CMTM8: variants seen among roughly 807,000 people sequenced by gnomAD.
The protein encoded by CMTM8 is CKLF-like MARVEL transmembrane domain-containing protein 8.
A neutral mutation model predicts 18.6 loss-of-function variants in CMTM8; 12 were observed. The observed-to-expected ratio is 0.65, with a 90% CI of 0.41 to 1.05. The LOEUF is 1.05. Among genes scored for constraint, CMTM8 ranks in the 50% least tolerant of loss-of-function variants. The probability of loss-of-function intolerance (pLI) is 0.00; values close to 1 mark genes in which losing one functional copy is unlikely to be tolerated. For synonymous variants in CMTM8, 87 were observed against 90.6 expected, an observed-to-expected ratio of 0.96 and a Z score of 0.23; for missense variants, 217 against 227.2, an observed-to-expected ratio of 0.95 and a Z score of 0.29.
At chr3:32,280,935 G>A (rs77963246) in intron 1 of CMTM8, among the ~76,000 whole-genome samples, 2 of 150,936 alleles carry the variant, frequency 1.3e-5, no homozygotes, top group Non-Finnish European at 2.9e-5. Context: ...GGGTGAGAGA[G>A]ATTATCGTGA....
chr3:32,282,389 A>G (rs935510490), intron 1 of CMTM8, among the ~76,000 whole-genome samples: 5 of 152,206 alleles, frequency 3.3e-5, no homozygotes, highest in African/African-American at 1.2e-4. Context: ...TAATTATGAG[A>G]TGATCAGGGT....
chr3:32,307,530 A>G (rs1695738755), intron 1 of CMTM8, among the ~76,000 whole-genome samples: 2 of 152,142 alleles, frequency 1.3e-5, no homozygotes, highest in Admixed American at 1.3e-4. Flanking sequence ...TTTGGGCAGC[A>G]TTCAGTATAG....
intron 1 of CMTM8, among the ~76,000 whole-genome samples, chr3:32,356,603 C>G (rs1369227170): frequency 6.6e-6 from 1 of 152,180 alleles, no homozygotes; most frequent in East Asian, 1.9e-4. Flanking sequence ...TGGACTGGGC[C>G]GCTGTTCATT....
intron 1 of CMTM8, chr3:32,259,501 C>G (rs530850141): frequency 3.6e-5 from 28 of 779,132 alleles, no homozygotes; most frequent in Non-Finnish European, 4.9e-5. Context: ...TCTTCAAGGT[C>G]ATTGATGACA....
chr3:32,340,825 C>G (rs1236107448), intron 1 of CMTM8, among the ~76,000 whole-genome samples: 4 of 152,262 alleles, frequency 2.6e-5, no homozygotes, highest in Non-Finnish European at 5.9e-5. Flanking sequence ...TTGTCTCTTG[C>G]ACTAGATGGC....
intron 2 of CMTM8, among the ~76,000 whole-genome samples, chr3:32,361,286 G>GTTTTTTTTTTTGTTTTTTGTT (rs58364646): frequency 1.1e-5 from 1 of 87,230 alleles, no homozygotes; most frequent in Admixed American, 1.2e-4. Flanking sequence ...CAGCCTAAGA[G>GTTTTTTTTTTTGTTTTTTGTT]TTTTTTTTTC....
intron 1 of CMTM8, among the ~76,000 whole-genome samples, chr3:32,355,502 C>T (rs1696800193): frequency 6.6e-6 from 1 of 152,180 alleles, no homozygotes; most frequent in African/African-American, 2.4e-5. Context: ...TTCACTGCCA[C>T]CATATTGGTC....
chr3:32,323,217 A>G (rs778356484), intron 1 of CMTM8, among the ~76,000 whole-genome samples: 2 of 152,144 alleles, frequency 1.3e-5, no homozygotes, highest in Non-Finnish European at 1.5e-5. Flanking sequence ...ACAGCTGGAC[A>G]ACTATTGAGG....
intron 1 of CMTM8, among the ~76,000 whole-genome samples, chr3:32,318,037 A>G (rs964465834): frequency 2.0e-5 from 3 of 148,222 alleles, no homozygotes; most frequent in African/African-American, 5.0e-5. Flanking sequence ...CCTGGGCAAC[A>G]AGAACGAAAC....
rs143948066 is a variant in CMTM8 at position 32,259,546 on chromosome 3, C to T, written c.147+20427C>T. The T allele has an allele frequency of 1.4e-3, 1,142 of 807,268 alleles. 3 individuals carry two copies. Among genetic ancestry groups the T allele is most frequent in the Middle Eastern group, 2.0e-3 (6 of 2,954 alleles). 50.0% of individuals were successfully genotyped at this position (807,268 alleles called of 1,614,324 possible). A position where few individuals can be genotyped will look rare whatever the true frequency, so the allele number is the denominator to read the frequency against. On this transcript the variant is annotated intron_variant, in intron 1 of 3. Transcript: ENST00000307526. ...CTCGGCTGCAGCTGGAGACAGAGAT[C>T]GAGGCTCTCAAGAAGGAACTGCTCT...
chr3:32,327,593 C>A (rs1267558775), intron 1 of CMTM8, among the ~76,000 whole-genome samples: 1 of 152,202 alleles, frequency 6.6e-6, no homozygotes, highest in Non-Finnish European at 1.5e-5. Flanking sequence ...ATACCAGATT[C>A]AGCATATAGG....
intron 1 of CMTM8, among the ~76,000 whole-genome samples, chr3:32,285,376 G>A (rs1404375104): frequency 6.6e-6 from 1 of 151,986 alleles, no homozygotes; most frequent in African/African-American, 2.4e-5. Context: ...TCAACTGGGC[G>A]TGTTGGCACA....
intron 1 of CMTM8, among the ~76,000 whole-genome samples, chr3:32,324,289 C>G (rs1311462283): frequency 6.6e-6 from 1 of 152,090 alleles, no homozygotes; most frequent in African/African-American, 2.4e-5. Flanking sequence ...TTTTTCCAGT[C>G]TGGTAGCTGA....
rs550318123 is a variant in CMTM8 at position 32,266,500 on chromosome 3, C to T, written c.147+27381C>T. 4.6e-5 allele frequency among the ~76,000 whole-genome samples: 7 copies of T among 152,326 alleles called. No homozygotes were observed. The South Asian group carries it at 1.2e-3, about 27-fold the overall frequency. On this transcript the variant is annotated intron_variant, in intron 1 of 3. Coordinates refer to ENST00000307526, the MANE Select transcript of CMTM8 (RefSeq NM_178868.5). ...ATGACAAACCCCAGCCAATATCATA[C>T]TGCATGGGCAAAAACTGGAAGCATT...
intron 1 of CMTM8, among the ~76,000 whole-genome samples, chr3:32,323,644 A>C (rs1696102235): frequency 1.3e-5 from 2 of 152,142 alleles, no homozygotes; most frequent in Admixed American, 6.5e-5. Flanking sequence ...TCAGGTTCAC[A>C]CAGAAGATGT....
intron 1 of CMTM8, among the ~76,000 whole-genome samples, chr3:32,345,134 A>C (rs1415423489): frequency 6.6e-6 from 1 of 152,158 alleles, no homozygotes; most frequent in African/African-American, 2.4e-5. Flanking sequence ...ACTTGAGCCT[A>C]AGAGTTCAAG....
At chr3:32,360,623 C>G (rs1448187067) in intron 2 of CMTM8, among the ~76,000 whole-genome samples, 1 of 152,226 alleles carries the variant, frequency 6.6e-6, no homozygotes, top group Non-Finnish European at 1.5e-5. Context: ...GCCAGCCCAA[C>G]TGTCGTGTCC....
At chr3:32,279,860 T>C (rs11720049) in intron 1 of CMTM8, among the ~76,000 whole-genome samples, 63,586 of 138,088 alleles carry the variant, frequency 0.46, 14,583 homozygotes, top group Middle Eastern at 0.55. Flanking sequence ...GACTTTTTAA[T>C]GATTGCCATT....
intron 1 of CMTM8, among the ~76,000 whole-genome samples, chr3:32,250,568 G>A (rs1327611013): frequency 6.6e-6 from 1 of 152,028 alleles, no homozygotes; most frequent in Non-Finnish European, 1.5e-5. Context: ...TTTCAACAAT[G>A]TTTTGTAGTT....
Sources: gnomAD v4.1 joint callset for allele counts (sites outside exome capture counted in the v4.1 genomes callset) on GRCh38, gnomAD v4.1.1 for gene constraint, MANE v1.5 for transcripts, NCBI Gene and HGNC (gene_info 2026-07-23, HGNC 2026-07-21) for gene names.